The following BLOC1S5 variants were observed in gnomAD, a reference collection of about 807,000 sequenced individuals.
BLOC1S5 encodes the protein biogenesis of lysosome-related organelles complex 1 subunit 5.
BLOC1S5 carries 27 observed loss-of-function variants against 24.3 expected under a neutral mutation model. The observed-to-expected ratio is 1.11, with a 90% CI of 0.82 to 1.53. BLOC1S5 has a LOEUF of 1.53. Among genes scored for constraint, BLOC1S5 ranks in the 40% most tolerant of loss-of-function variants. BLOC1S5 has a pLI of 0.00. For synonymous variants in BLOC1S5, 84 were observed against 74.5 expected (o/e 1.13, Z -0.66); for missense variants, 239 against 229.4 (o/e 1.04, Z -0.27).
Position 8,048,643 on chromosome 6 carries a change from T to C in BLOC1S5, c.196-7375A>G, listed in dbSNP as rs550084239. On this transcript the variant is annotated intron_variant, in intron 2 of 4. Coordinates refer to ENST00000397457, the MANE Select transcript of BLOC1S5 (RefSeq NM_201280.3). ...ATGATTACTAAAATAAGAAATTTAA[T>C]ATATATTTTTTAACTTTTTCTTTTG... Among the ~76,000 whole-genome samples the C allele has an allele frequency of 2.8e-4, 43 of 152,282 alleles. No homozygotes were observed. The South Asian group carries it at 8.9e-3, about 32-fold the overall frequency.
At chr6:8,042,912 T>G (rs960351569) in intron 2 of BLOC1S5, among the ~76,000 whole-genome samples, 3 of 152,330 alleles carry the variant, frequency 2.0e-5, no homozygotes, top group Admixed American at 6.5e-5. Context: ...ACACTTTACA[T>G]GTGTTGTCAC....
At chr6:8,064,393 C>G, upstream of BLOC1S5, 1 of 1,597,632 alleles carries the variant, frequency 6.3e-7, no homozygotes. Flanking sequence ...CAGTTCCGCC[C>G]ACCCGCGGCC....
At chr6:8,041,312 C>T (rs1426303604) in intron 2 of BLOC1S5, 44 bp from the exon 3 acceptor site, 383 of 1,081,596 alleles carry the variant, frequency 3.5e-4, no homozygotes, top group Admixed American at 1.6e-3. Flanking sequence ...GTGTCTTTTC[C>T]TTTTTTTTTT....
At chr6:8,056,658 T>C (rs551541840) in intron 2 of BLOC1S5, among the ~76,000 whole-genome samples, 149 of 152,274 alleles carry the variant, frequency 9.8e-4, no homozygotes, top group African/African-American at 3.5e-3. Flanking sequence ...AGTGGAGCTA[T>C]GCAGCTCCAT....
intron 4 of BLOC1S5, 99 bp from the exon 5 acceptor site, chr6:8,015,927 G>C: frequency 9.1e-7 from 1 of 1,099,336 alleles, no homozygotes; most frequent in Non-Finnish European, 1.3e-6. Context: ...CAGCTGGTAA[G>C]TCACAAGGAA....
rs1335650682 is a variant in BLOC1S5, at chr6:8,014,725, C to T, written c.*924G>A. On this transcript the variant is annotated 3_prime_UTR_variant, in exon 5 of 5. Coordinates refer to ENST00000397457, the MANE Select transcript of BLOC1S5 (RefSeq NM_201280.3). ...GGACCATTTGCTGTGTGGGCAAACA[C>T]TTCTGGTTCATTCAAAGCCAGGAAC... 6.6e-6 allele frequency: 1 copy of T among 152,214 alleles called. No individual in the cohort carries two copies. Among genetic ancestry groups the T allele is most frequent in the Non-Finnish European group, 1.5e-5 (1 of 68,044 alleles). The allele number at this position is 152,214 out of a possible 1,614,324, so 9.4% of individuals were successfully genotyped here. A position where few individuals can be genotyped will look rare whatever the true frequency, so the allele number is the denominator to read the frequency against.
intron 4 of BLOC1S5, among the ~76,000 whole-genome samples, chr6:8,023,459 G>A (rs925119079): frequency 2.0e-5 from 3 of 152,124 alleles, no homozygotes; most frequent in African/African-American, 4.8e-5. Context: ...GTGTGGTGGC[G>A]TGCGCCTGTA....
rs147203524 is a variant in BLOC1S5, at chr6:8,015,687, C to G, written c.526G>C (p.Glu176Gln). Residue 176 changes from glutamate (E) to glutamine (Q), a missense_variant, in exon 5 of 5, where the codon GAG becomes CAG. Coordinates refer to ENST00000397457, the MANE Select transcript of BLOC1S5 (RefSeq NM_201280.3). ...AATTTCGCTAGGTCCTTCTCCATCT[C>G]AGCATATTGTTCTTTAAGCCTTTCC... ...AMERLKEQYAEMEKDLAKFST... is the reference protein window; with the variant it reads ...AMERLKEQYAQMEKDLAKFST... 66 of 1,613,850 alleles carry G rather than the reference C, an allele frequency of 4.1e-5. No individual in the cohort carries two copies. The African/African-American group carries it at 8.3e-4, about 20-fold the overall frequency.
At chr6:8,058,357 GAAAAAAAAAAAAAAA>G (rs60827828) in intron 2 of BLOC1S5, among the ~76,000 whole-genome samples, 21,654 of 84,420 alleles carry the variant, frequency 0.26, 2,039 homozygotes, top group Admixed American at 0.28. Context: ...CTGTCTCTAT[GAAAAAAAAAAAAAAA>G]AAAAAAAAAA....
chr6:8,028,623 T>C (rs141716791), intron 3 of BLOC1S5, among the ~76,000 whole-genome samples: 6 of 152,268 alleles, frequency 3.9e-5, no homozygotes, highest in Non-Finnish European at 2.9e-5. Context: ...AAAATTCTAA[T>C]CAGAACACAT....
chr6:8,059,744 A>G (rs1764450911), intron 2 of BLOC1S5, among the ~76,000 whole-genome samples: 2 of 152,234 alleles, frequency 1.3e-5, no homozygotes, highest in African/African-American at 4.8e-5. Flanking sequence ...ACCCTCAGGA[A>G]GGCCAAATGG....
At chr6:8,053,624 T>G (rs1764208233) in intron 2 of BLOC1S5, among the ~76,000 whole-genome samples, 1 of 152,212 alleles carries the variant, frequency 6.6e-6, no homozygotes, top group South Asian at 2.1e-4. Context: ...CCCAAGAAAT[T>G]TGTTTAACTT....
At chr6:8,055,479 T>C (rs1764275295) in intron 2 of BLOC1S5, among the ~76,000 whole-genome samples, 1 of 152,186 alleles carries the variant, frequency 6.6e-6, no homozygotes, top group African/African-American at 2.4e-5. Context: ...CTATTTTTTG[T>C]GTGGTCAAAT....
At chr6:8,050,293 A>G (rs1764061622) in intron 2 of BLOC1S5, among the ~76,000 whole-genome samples, 2 of 152,136 alleles carry the variant, frequency 1.3e-5, no homozygotes, top group South Asian at 4.1e-4. Flanking sequence ...ACAAACCACA[A>G]TCACATAAGA....
chr6:8,058,498 A>G (rs890993734), intron 2 of BLOC1S5, among the ~76,000 whole-genome samples: 1 of 151,612 alleles, frequency 6.6e-6, no homozygotes, highest in Non-Finnish European at 1.5e-5. Context: ...ATGGTCTCTT[A>G]GTTCAAAGAC....
intron 3 of BLOC1S5, among the ~76,000 whole-genome samples, chr6:8,039,302 A>T (rs1763602429): frequency 6.6e-6 from 1 of 152,194 alleles, no homozygotes; most frequent in Admixed American, 6.5e-5. Context: ...AGTGAGGAGG[A>T]GGGCATGAGG....
At chr6:8,064,102 T>C (rs1303869085) in intron 1 of BLOC1S5, among the ~76,000 whole-genome samples, 163 bp downstream of exon 1, 3 of 152,052 alleles carry the variant, frequency 2.0e-5, no homozygotes, top group Admixed American at 6.5e-5. Flanking sequence ...GTGGGACGCA[T>C]TTGGCGCGGG....
chr6:8,016,118 G>A (rs1397760835), intron 4 of BLOC1S5, among the ~76,000 whole-genome samples: 1 of 152,182 alleles, frequency 6.6e-6, no homozygotes, highest in Non-Finnish European at 1.5e-5. Context: ...CTCAAGTAAG[G>A]AGTTTGAGAC....
chr6:8,039,930 G>A (rs890241931), intron 3 of BLOC1S5, among the ~76,000 whole-genome samples: 7 of 152,328 alleles, frequency 4.6e-5, no homozygotes, highest in Middle Eastern at 3.4e-3. Flanking sequence ...CACCAAGCGA[G>A]TTTAAACAAG....
Sources: gnomAD v4.1 joint callset for allele counts (sites outside exome capture counted in the v4.1 genomes callset) on GRCh38, gnomAD v4.1.1 for gene constraint, MANE v1.5 for transcripts, NCBI Gene and HGNC (gene_info 2026-07-23, HGNC 2026-07-21) for gene names.